The following TELO2 variants were observed in gnomAD, a reference collection of about 807,000 sequenced individuals.
TELO2 encodes telomere length regulation protein TEL2 homolog.
Under a neutral mutation model 91.0 loss-of-function variants are expected in TELO2, and 71 were observed. That is an observed-to-expected ratio of 0.78 (90% CI 0.64 to 0.95). The LOEUF (loss-of-function observed/expected upper bound fraction) is 0.95, where lower values mean the gene tolerates loss of function less well. Ranked by LOEUF, TELO2 falls within the 40% of genes least tolerant of loss-of-function variation. The pLI, the probability that TELO2 is intolerant of heterozygous loss-of-function variation, is 0.00. For missense variants in TELO2, 1,183 were observed against 1,141.3 expected (o/e 1.04, Z -0.53); for synonymous variants, 584 against 518.9 (o/e 1.13, Z -1.71).
At chr16:1,509,125 G>A (rs1476602669) in intron 20 of TELO2, among the ~76,000 whole-genome samples, 1 of 152,164 alleles carries the variant, frequency 6.6e-6, no homozygotes, top group Non-Finnish European at 1.5e-5. Context: ...CCAGAGACTC[G>A]GTACCTGCGA....
chr16:1,504,124 C>CT (rs1322764108), intron 15 of TELO2, among the ~76,000 whole-genome samples: 14 of 96,840 alleles, frequency 1.4e-4, no homozygotes, highest in East Asian at 3.1e-4. Context: ...GACTCTGTCT[C>CT]TTTAAAAAAA....
rs370184610 is a variant in TELO2, at chr16:1,500,148, G to A, written c.986G>A (p.Arg329His). ...LGHLAMDSQR[R>H]PLLLQVLKEL... is the part of the protein sequence containing the mutation. ...CATCTGGCCATGGACAGCCAGCGGC[G>A]CCCGCTCCTGCTGCAGGTACGTGCC... The change falls in exon 7 of 21, where the codon CGC (arginine) becomes CAC (histidine). Residue 329 changes from arginine to histidine, a missense_variant. By Grantham distance (29) the Arg-to-His change is conservative. Coordinates refer to ENST00000262319, the MANE Select transcript of TELO2 (RefSeq NM_016111.4). 1.4e-5 allele frequency: 23 copies of A among 1,605,952 alleles called. No homozygotes were observed. The highest frequency in any genetic ancestry group is 1.9e-4 in the Middle Eastern group (1 of 5,150).
At chr16:1,496,357 C>T (rs1286801648) in intron 3 of TELO2, among the ~76,000 whole-genome samples, 1 of 152,220 alleles carries the variant, frequency 6.6e-6, no homozygotes, top group Non-Finnish European at 1.5e-5. Flanking sequence ...AGCCCCCTCG[C>T]CTCACCTGGG....
chr16:1,507,206 C>A, intron 18 of TELO2, 100 bp from the exon 19 acceptor site: 1 of 1,522,884 alleles, frequency 6.6e-7, no homozygotes. Context: ...GTCAGGCAGG[C>A]CCTGTCCCTG....
rs978809122 is a variant in TELO2 at position 1,509,610 on chromosome 16, G to T, written c.2408-220G>T. ...CCCCTTTCCCATGGCTGCCTGTCCC[G>T]CGGCTCAGGGCAGCCCTCCATGTAC... On this transcript the variant is annotated intron_variant, in intron 20 of 20. Transcript: ENST00000262319. Among the ~76,000 whole-genome samples the T allele has an allele frequency of 3.3e-5, 5 of 152,206 alleles. No homozygotes were observed. In the South Asian group the frequency reaches 6.2e-4, roughly 19 times the overall value.
chr16:1,494,085 CTG>C lies in TELO2; in HGVS notation c.-36-160_-36-159del, dbSNP rs2039394599. Among the ~76,000 whole-genome samples, 1 of 151,728 alleles carries C rather than the reference CTG, an allele frequency of 6.6e-6. No individual in the cohort carries two copies. Among genetic ancestry groups the C allele is most frequent in the African/African-American group, 2.4e-5 (1 of 41,342 alleles). The stretch of plus-strand genomic sequence containing the variant: ...TGGGGTCCGAGCGGAGGAGCGAACT[CTG>C]GGTGGAAACCGGCAGGCACTGGAGG... On this transcript the variant is annotated intron_variant, in intron 1 of 20. Coordinates refer to ENST00000262319, the MANE Select transcript of TELO2 (RefSeq NM_016111.4). This position sits in a 1 kb window ranked among gnomAD's most constrained non-coding sequence, Gnocchi z 5.6.
At position 1,507,606 on chromosome 16, in the gene TELO2, T is replaced by TG; in HGVS notation, c.2298dup (p.Arg767AlafsTer40). On this transcript the variant is annotated frameshift_variant, in exon 20 of 21. Coordinates refer to ENST00000262319, the MANE Select transcript of TELO2 (RefSeq NM_016111.4). LOFTEE classifies it high-confidence loss of function. Reference sequence around the variant, plus strand: ...CCCCGCCTTCTTGCCGGCAGCTACGTGCGCCAGGGGCTGTTGTCGGCCGTC... The same window carrying TG: ...CCCCGCCTTCTTGCCGGCAGCTACGTGGCGCCAGGGGCTGTTGTCGGCCGTC... 6.3e-7 allele frequency: 1 copy of TG among 1,588,962 alleles called. No individual in the cohort carries two copies. Among genetic ancestry groups the TG allele is most frequent in the African/African-American group, 1.3e-5 (1 of 74,938 alleles).
Position 1,502,592 on chromosome 16 carries a change from C to T in TELO2, c.1654-53C>T, listed in dbSNP as rs940417899. 5.7e-6 allele frequency: 9 copies of T among 1,585,734 alleles called. No individual in the cohort carries two copies. In the Admixed American group the frequency reaches 6.8e-5, roughly 12 times the overall value. ...CCGGCCCTGTGAGCCTCGGTGAGGC[C>T]TCGGCGGGCAGCTGGGTCCGACAGG... is the stretch of plus-strand genomic sequence containing the variant. On this transcript the variant is annotated intron_variant, in intron 13 of 20. Transcript: ENST00000262319.
At chr16:1,507,519 TG>T in intron 19 of TELO2, 81 bp from the exon 20 acceptor site, 1 of 1,481,130 alleles carries the variant, frequency 6.8e-7, no homozygotes, top group Non-Finnish European at 9.1e-7. Flanking sequence ...GGCCGCAGCG[TG>T]GGTGGTCTGC....
At position 1,497,320 on chromosome 16, in the gene TELO2, G is replaced by T; in HGVS notation, c.683-41G>T. ...CCACACAGCCCCAGACACCAGGTGG[G>T]TGCAGCTCCCCAGGCTCAGGTCCTC... On this transcript the variant is annotated intron_variant, in intron 4 of 20. Transcript: ENST00000262319. This position sits in a 1 kb window ranked among gnomAD's most constrained non-coding sequence, Gnocchi z 4.0. 6.6e-7 allele frequency: 1 copy of T among 1,515,280 alleles called. No homozygotes were observed. Among genetic ancestry groups the T allele is most frequent in the Non-Finnish European group, 8.9e-7 (1 of 1,126,366 alleles). The allele number at this position is 1,515,280 out of a possible 1,614,324, so 93.9% of individuals were successfully genotyped here. A position where few individuals can be genotyped will look rare whatever the true frequency, so the allele number is the denominator to read the frequency against.
rs748658275 is a variant in TELO2, at chr16:1,502,039, T to TC, written c.1473-5dup. On this transcript the variant is annotated splice_region_variant and splice_polypyrimidine_tract_variant and intron_variant, in intron 11 of 20. Transcript: ENST00000262319. ...TGGGCTGCTCATGTCTGCTTTGCTC[T>TC]CCCACAGCGATGATGAGTTTGTCCC... 1.2e-6 allele frequency: 2 copies of TC among 1,613,312 alleles called. No homozygotes were observed. The highest frequency in any genetic ancestry group is 1.7e-5 in the Admixed American group (1 of 60,028).
At chr16:1,499,606 G>A (rs2039604827) in intron 6 of TELO2, among the ~76,000 whole-genome samples, 1 of 151,292 alleles carries the variant, frequency 6.6e-6, no homozygotes, top group African/African-American at 2.4e-5. Context: ...GCCTGAGGGG[G>A]TGGGGTGGGG....
intron 14 of TELO2, 36 bp downstream of exon 14, chr16:1,502,797 G>T: frequency 6.2e-7 from 1 of 1,606,242 alleles, no homozygotes; most frequent in Non-Finnish European, 8.5e-7. Flanking sequence ...GCCAGTGCAG[G>T]CACAGCGGGA....
intron 5 of TELO2, 64 bp from the exon 6 acceptor site, chr16:1,499,167 A>G (rs1024786442): frequency 1.3e-5 from 20 of 1,563,588 alleles, no homozygotes; most frequent in Admixed American, 1.7e-5. Context: ...ATCGGAGTTC[A>G]CGCTCTCGCT....
At chr16:1,502,891 C>A in intron 14 of TELO2, 40 bp from the exon 15 acceptor site, 1 of 1,607,438 alleles carries the variant, frequency 6.2e-7, no homozygotes, top group South Asian at 1.1e-5. Flanking sequence ...GGGTGGCCCT[C>A]AGGTCCCGGA....
At chr16:1,503,777 G>A (rs2039788469) in intron 15 of TELO2, among the ~76,000 whole-genome samples, 1 of 152,164 alleles carries the variant, frequency 6.6e-6, no homozygotes, top group Non-Finnish European at 1.5e-5. Flanking sequence ...TGGCGAGGGC[G>A]GAGGTGATGG....
chr16:1,505,421 G>T lies in TELO2; in HGVS notation c.1854G>T (p.Leu618=). 1.2e-6 allele frequency: 2 copies of T among 1,609,842 alleles called. No homozygotes were observed. Among genetic ancestry groups the T allele is most frequent in the Non-Finnish European group, 1.7e-6 (2 of 1,177,462 alleles). The change falls in exon 16 of 21, where the codon CTG becomes CTT. Residue 618 remains leucine, a synonymous_variant. Transcript: ENST00000262319. The surrounding 1 kb of genome is among the most constrained non-coding windows in gnomAD (Gnocchi z 4.3). ...CTGTCTCCCTCCAGGTGCTGACTCT[G>T]GCTGCCCAGGAGCTGTCTAGGCCTG... is the stretch of plus-strand genomic sequence containing the variant. The part of the protein sequence containing the change: ...QRMDILDVLT[L]AAQELSRPGC...
Position 1,502,051 on chromosome 16 carries a change from G to C in TELO2, c.1477G>C (p.Asp493His), listed in dbSNP as rs1186055137. ...AGSDSDLDSD[D>H]EFVPYDMSGD... Reference sequence around the variant, plus strand: ...GTCTGCTTTGCTCTCCCACAGCGATGATGAGTTTGTCCCCTACGACATGTC... The same window carrying C: ...GTCTGCTTTGCTCTCCCACAGCGATCATGAGTTTGTCCCCTACGACATGTC... Residue 493 changes from aspartate (D) to histidine (H), a missense_variant, in exon 12 of 21, where the codon GAT (aspartate) becomes CAT (histidine). Physicochemically the swap from Asp to His is moderately conservative, Grantham distance 81. Transcript: ENST00000262319. 1 of 1,613,230 alleles carries C rather than the reference G, an allele frequency of 6.2e-7. No homozygotes were observed. Among genetic ancestry groups the C allele is most frequent in the Non-Finnish European group, 8.5e-7 (1 of 1,179,986 alleles).
chr16:1,506,875 C>G (rs967348876), intron 17 of TELO2, 77 bp from the exon 18 acceptor site: 2 of 1,482,586 alleles, frequency 1.3e-6, no homozygotes, highest in Non-Finnish European at 1.8e-6. Context: ...CTCCCTCGGT[C>G]TCCCACGGTG....
Sources: gnomAD v4.1 joint callset for allele counts (sites outside exome capture counted in the v4.1 genomes callset) on GRCh38, gnomAD v4.1.1 for gene constraint, Gnocchi (gnomAD v3.1) non-coding constraint, MANE v1.5 for transcripts, NCBI Gene and HGNC (gene_info 2026-07-23, HGNC 2026-07-21) for gene names.